Variants in FAM240A observed in about 807,000 individuals in gnomAD.
The protein encoded by FAM240A is protein FAM240A.
A neutral mutation model predicts 7.3 loss-of-function variants in FAM240A; 8 were observed. The observed-to-expected ratio is 1.09, with a 90% confidence interval of 0.64 to 1.97. The LOEUF (loss-of-function observed/expected upper bound fraction) is 1.97. Among genes scored for constraint, FAM240A ranks in the 30% most tolerant of loss-of-function variants. The pLI is 0.00. For synonymous variants in FAM240A, 32 were observed against 35.9 expected (o/e 0.89, Z 0.38); for missense variants, 90 against 102.2 (o/e 0.88, Z 0.52).
intron 2 of FAM240A, among the ~76,000 whole-genome samples, chr3:46,622,708 T>C (rs985336268): frequency 9.2e-5 from 14 of 152,234 alleles, no homozygotes; most frequent in African/African-American, 3.1e-4. Context: ...GGAATGTTTT[T>C]GGACCTTTTC....
intron 2 of FAM240A, 95 bp from the exon 3 acceptor site, chr3:46,625,033 C>A (rs1464970641): frequency 2.6e-6 from 2 of 774,818 alleles, no homozygotes; most frequent in Non-Finnish European, 4.1e-6. Flanking sequence ...CACATACATG[C>A]AATTTCAGGG....
At chr3:46,615,301 A>G (rs762146107) in intron 1 of FAM240A, among the ~76,000 whole-genome samples, 4 of 151,804 alleles carry the variant, frequency 2.6e-5, no homozygotes, top group Non-Finnish European at 4.4e-5. Context: ...AACTCCATCC[A>G]TCCAGCACAG....
At chr3:46,621,107 G>GA (rs935518153) in intron 2 of FAM240A, among the ~76,000 whole-genome samples, 25 of 151,664 alleles carry the variant, frequency 1.6e-4, no homozygotes, top group South Asian at 1.3e-3. Context: ...ACGTTATCTT[G>GA]AAAAAAAAGA....
intron 2 of FAM240A, among the ~76,000 whole-genome samples, chr3:46,620,675 G>T (rs1697683815): frequency 6.6e-6 from 1 of 152,212 alleles, no homozygotes; most frequent in South Asian, 2.1e-4. Flanking sequence ...AACAAAAACT[G>T]CAAGGGAAGG....
At chr3:46,624,204 T>C (rs1434694987) in intron 2 of FAM240A, among the ~76,000 whole-genome samples, 1 of 151,898 alleles carries the variant, frequency 6.6e-6, no homozygotes, top group Non-Finnish European at 1.5e-5. Flanking sequence ...ACAACTTTAC[T>C]TCTACATATG....
chr3:46,621,618 G>A (rs1697695735), intron 2 of FAM240A, among the ~76,000 whole-genome samples: 3 of 152,078 alleles, frequency 2.0e-5, no homozygotes, highest in African/African-American at 7.2e-5. Context: ...AAATTGGCCA[G>A]GCATGCTACC....
At position 46,617,190 on chromosome 3, in the gene FAM240A, A is replaced by G. The variant is rs1470055346; in HGVS notation, c.23A>G (p.Asn8Ser). MRLFSGM[N>S]NQYTRREVFC... ...GGCTATTTTCCTTTTTAGGGGATGA[A>G]CAATCAATACACCCGTCGGGAGGTC... Residue 8 changes from asparagine (N) to serine (S), a missense_variant, in exon 2 of 3, where the codon AAC (asparagine) becomes AGC (serine). Asn to Ser is a conservative substitution (Grantham distance 46). Coordinates refer to ENST00000640551, the MANE Select transcript of FAM240A (RefSeq NM_001195442.2). 2 of 1,524,676 alleles carry G rather than the reference A, an allele frequency of 1.3e-6. No individual in the cohort carries two copies. The highest frequency in any genetic ancestry group is 1.7e-6 in the Non-Finnish European group (2 of 1,143,022). The allele number at this position is 1,524,676 out of a possible 1,614,324, so 94.4% of individuals were successfully genotyped here.
intron 1 of FAM240A, among the ~76,000 whole-genome samples, chr3:46,613,349 C>G (rs1042836171): frequency 3.9e-5 from 6 of 152,056 alleles, no homozygotes; most frequent in Admixed American, 3.3e-4. Context: ...CAAAAATTAG[C>G]CCGGCGTGGT....
chr3:46,624,063 T>C (rs1697726782), intron 2 of FAM240A, among the ~76,000 whole-genome samples: 1 of 152,158 alleles, frequency 6.6e-6, no homozygotes, highest in Non-Finnish European at 1.5e-5. Context: ...CTTTAGGATA[T>C]ATAATACACA....
intron 2 of FAM240A, among the ~76,000 whole-genome samples, chr3:46,623,408 T>G (rs75609500): frequency 3.3e-5 from 5 of 152,346 alleles, no homozygotes. Flanking sequence ...AAATATTGAT[T>G]ATATCAAGTT....
At chr3:46,613,491 C>CTAAATAAATACA (rs1697590942) in intron 1 of FAM240A, among the ~76,000 whole-genome samples, 2 of 137,856 alleles carry the variant, frequency 1.5e-5, no homozygotes, top group African/African-American at 5.4e-5. Context: ...GAAACTCCTT[C>CTAAATAAATACA]TAAATAAATA....
intron 2 of FAM240A, among the ~76,000 whole-genome samples, chr3:46,619,609 T>TG (rs982969231): frequency 7.2e-4 from 110 of 152,298 alleles, no homozygotes; most frequent in Middle Eastern, 3.4e-3. Context: ...TGCAGTCTTC[T>TG]GGGGGTCCCA....
intron 2 of FAM240A, among the ~76,000 whole-genome samples, chr3:46,617,676 C>T (rs571862103): frequency 1.3e-5 from 2 of 152,332 alleles, no homozygotes; most frequent in South Asian, 4.1e-4. Flanking sequence ...TCTCTCCTCT[C>T]TGTCACCATG....
At chr3:46,617,112 C>T (rs2107141436) in intron 1 of FAM240A, 71 bp from the exon 2 acceptor site, 7 of 995,152 alleles carry the variant, frequency 7.0e-6, no homozygotes, top group South Asian at 1.8e-5. Flanking sequence ...TTACATTTCC[C>T]TGATGATGAG....
chr3:46,625,156 G>A lies in FAM240A; in HGVS notation c.190G>A (p.Glu64Lys). The change falls in exon 3 of 3, where the codon GAA becomes AAA. Residue 64 changes from glutamate (E) to lysine (K), a missense_variant. Coordinates refer to ENST00000640551, the MANE Select transcript of FAM240A (RefSeq NM_001195442.2). ...CAGAGAAGAATGGAAGCAGAGGCTG[G>A]AAACAAAGCTGAGGCTGCGGAACAA... is the stretch of plus-strand genomic sequence containing the variant. Reference protein sequence around the residue: ...KLREEWKQRLETKLRLRNNPE... With the variant: ...KLREEWKQRLKTKLRLRNNPE... 1 of 1,534,714 alleles carries A rather than the reference G, an allele frequency of 6.5e-7. No homozygotes were observed. Among genetic ancestry groups the A allele is most frequent in the Non-Finnish European group, 8.7e-7 (1 of 1,146,152 alleles).
chr3:46,622,040 C>A (rs550658867), intron 2 of FAM240A, among the ~76,000 whole-genome samples: 22 of 136,994 alleles, frequency 1.6e-4, no homozygotes, highest in African/African-American at 5.7e-4. Context: ...TTTTCATTTT[C>A]TTTGGGTTTA....
chr3:46,615,099 C>T (rs568052771), intron 1 of FAM240A, among the ~76,000 whole-genome samples: 1 of 152,254 alleles, frequency 6.6e-6, no homozygotes, highest in East Asian at 1.9e-4. Context: ...AAACAGACGG[C>T]GCATCAAGGC....
intron 1 of FAM240A, among the ~76,000 whole-genome samples, chr3:46,614,376 G>C (rs1022492906): frequency 3.9e-5 from 6 of 152,198 alleles, no homozygotes; most frequent in Non-Finnish European, 8.8e-5. Context: ...AACAAGTTAA[G>C]AAGACAAGGT....
intron 2 of FAM240A, among the ~76,000 whole-genome samples, chr3:46,622,980 G>A (rs902037523): frequency 1.3e-5 from 2 of 152,128 alleles, no homozygotes; most frequent in Non-Finnish European, 1.5e-5. Flanking sequence ...ATAATATTTA[G>A]AGTATCTGAT....
Sources: allele counts gnomAD v4.1 joint callset (sites outside exome capture counted in the v4.1 genomes callset), GRCh38; gene constraint gnomAD v4.1.1; transcripts MANE v1.5; gene names NCBI Gene and HGNC (gene_info 2026-07-23, HGNC 2026-07-21).